CDC42SE2: variants seen among roughly 807,000 people sequenced by gnomAD.
The protein encoded by CDC42SE2 is CDC42 small effector protein 2.
Under a neutral mutation model 11.5 loss-of-function variants are expected in CDC42SE2, and 3 were observed. The observed-to-expected ratio is 0.26, with a 90% CI of 0.12 to 0.67. CDC42SE2 has a LOEUF of 0.67. Ranked by LOEUF, CDC42SE2 falls within the 30% of genes least tolerant of loss-of-function variation. The probability of loss-of-function intolerance (pLI) is 0.80; values close to 1 mark genes in which losing one functional copy is unlikely to be tolerated. For missense variants in CDC42SE2, 82 were observed against 106.8 expected, an observed-to-expected ratio of 0.77 and a Z score of 1.02; for synonymous variants, 33 against 34.8, an observed-to-expected ratio of 0.95 and a Z score of 0.18.
intron 3 of CDC42SE2, among the ~76,000 whole-genome samples, chr5:131,369,200 C>T (rs888319783): frequency 6.6e-5 from 10 of 152,080 alleles, no homozygotes; most frequent in Non-Finnish European, 1.2e-4. Context: ...TAATCTTTTG[C>T]GTTTTCTTCT....
chr5:131,372,723 A>C (rs959673470), intron 3 of CDC42SE2, among the ~76,000 whole-genome samples: 20 of 152,026 alleles, frequency 1.3e-4, no homozygotes, highest in Non-Finnish European at 2.6e-4. Flanking sequence ...AAAAAAAAAA[A>C]AAATGTCAGA....
intron 1 of CDC42SE2, among the ~76,000 whole-genome samples, chr5:131,295,784 G>A (rs1314941648): frequency 5.9e-5 from 9 of 151,608 alleles, no homozygotes; most frequent in Non-Finnish European, 1.2e-4. Flanking sequence ...CCGGGTTCAC[G>A]CCATTCTCCT....
chr5:131,373,357 G>A (rs1334613551), intron 3 of CDC42SE2, among the ~76,000 whole-genome samples: 1 of 152,198 alleles, frequency 6.6e-6, no homozygotes, highest in Non-Finnish European at 1.5e-5. Context: ...CTGCCTAACT[G>A]CGTACAGAGG....
chr5:131,293,698 T>C (rs1757511373), intron 1 of CDC42SE2, among the ~76,000 whole-genome samples: 1 of 152,176 alleles, frequency 6.6e-6, no homozygotes, highest in African/African-American at 2.4e-5. Context: ...ACCTAGTTTA[T>C]GGTATTTTGT....
chr5:131,226,900 C>T, the CDC42SE2 span, among the ~76,000 whole-genome samples: 1 of 152,194 alleles, frequency 6.6e-6, no homozygotes, highest in Non-Finnish European at 1.5e-5. Flanking sequence ...AATAAATGCT[C>T]TCACTGGTTT....
chr5:131,241,874 T>A (rs1331257952), upstream of CDC42SE2, among the ~76,000 whole-genome samples: 2 of 151,896 alleles, frequency 1.3e-5, no homozygotes, highest in African/African-American at 2.4e-5. Context: ...TTCCTCTTTC[T>A]TTAATCTCTG....
intron 2 of CDC42SE2, among the ~76,000 whole-genome samples, chr5:131,317,515 G>GT (rs1258419166): frequency 6.6e-6 from 1 of 151,912 alleles, no homozygotes; most frequent in Non-Finnish European, 1.5e-5. Context: ...AGGACTGTGT[G>GT]TTTTGGGGGA....
intron 1 of CDC42SE2, among the ~76,000 whole-genome samples, chr5:131,294,714 G>A (rs1040330272): frequency 2.6e-5 from 4 of 152,202 alleles, no homozygotes; most frequent in East Asian, 1.9e-4. Context: ...GTACATGGCC[G>A]GGCGTGGTGG....
At chr5:131,376,019 A>C (rs766980284) in intron 3 of CDC42SE2, among the ~76,000 whole-genome samples, 7 of 152,102 alleles carry the variant, frequency 4.6e-5, no homozygotes, top group Non-Finnish European at 1.0e-4. Context: ...TGGGTGGATT[A>C]GTTGAGGTCA....
At chr5:131,383,732 A>G (rs1025477927) in intron 3 of CDC42SE2, among the ~76,000 whole-genome samples, 2 of 152,216 alleles carry the variant, frequency 1.3e-5, no homozygotes, top group Non-Finnish European at 2.9e-5. Context: ...TTACCATAAC[A>G]CAGCTATACT....
intron 1 of CDC42SE2, among the ~76,000 whole-genome samples, chr5:131,302,802 C>T (rs1288317500): frequency 2.0e-5 from 3 of 149,960 alleles, no homozygotes; most frequent in Non-Finnish European, 4.4e-5. Context: ...AGGAGTAGTC[C>T]GTTTTTGTTG....
chr5:131,310,275 C>A (rs1020699409), intron 1 of CDC42SE2, among the ~76,000 whole-genome samples: 35 of 150,926 alleles, frequency 2.3e-4, no homozygotes, highest in Non-Finnish European at 3.2e-4. Flanking sequence ...GATTCTTAAT[C>A]CTGAGTTCTA....
chr5:131,320,116 G>T (rs970646185), intron 2 of CDC42SE2, among the ~76,000 whole-genome samples: 2 of 150,900 alleles, frequency 1.3e-5, no homozygotes, highest in African/African-American at 4.9e-5. Context: ...TGGGCGTGGT[G>T]GCTAACACCT....
At chr5:131,284,820 A>G (rs1381298468) in intron 1 of CDC42SE2, among the ~76,000 whole-genome samples, 2 of 152,190 alleles carry the variant, frequency 1.3e-5, no homozygotes, top group Non-Finnish European at 2.9e-5. Flanking sequence ...TACAATGATC[A>G]TATATTCCTT....
At chr5:131,226,078 G>T in the CDC42SE2 span, among the ~76,000 whole-genome samples, 1 of 152,160 alleles carries the variant, frequency 6.6e-6, no homozygotes, top group Non-Finnish European at 1.5e-5. Flanking sequence ...TTGGTCCTGG[G>T]GTAGCAAGGA....
rs897118530 is a variant in CDC42SE2 at position 131,267,255 on chromosome 5, G to T, written c.-455+3089G>T. Among the ~76,000 whole-genome samples, 3 of 151,752 alleles carry T rather than the reference G, an allele frequency of 2.0e-5. 1 individual carries two copies. The South Asian group carries it at 6.2e-4, about 32-fold the overall frequency. Reference sequence around the variant, plus strand: ...TTTTTAGTAGAGACAGGGTTTCACCGTGTTGGCCATCCATGATGGTCTCGG... The same window carrying T: ...TTTTTAGTAGAGACAGGGTTTCACCTTGTTGGCCATCCATGATGGTCTCGG... On this transcript the variant is annotated intron_variant, in intron 1 of 4. Transcript: ENST00000505065.
chr5:131,376,673 C>T (rs1448341862), intron 3 of CDC42SE2, among the ~76,000 whole-genome samples: 6 of 152,132 alleles, frequency 3.9e-5, no homozygotes, highest in Non-Finnish European at 5.9e-5. Context: ...CAGATGGGTC[C>T]TGGTATCTGT....
chr5:131,258,163 C>G (rs1181793016), intron 2 of CDC42SE2, among the ~76,000 whole-genome samples: 1 of 152,144 alleles, frequency 6.6e-6, no homozygotes, highest in East Asian at 1.9e-4. Context: ...ATGTCAGTTT[C>G]TGAACTTTTG....
At chr5:131,307,300 A>C (rs1253435508) in intron 1 of CDC42SE2, among the ~76,000 whole-genome samples, 1 of 142,136 alleles carries the variant, frequency 7.0e-6, no homozygotes, top group South Asian at 2.2e-4. Context: ...CCCACCTATG[A>C]GTGAGAATAT....
Sources: gnomAD v4.1 joint callset for allele counts (sites outside exome capture counted in the v4.1 genomes callset) on GRCh38, gnomAD v4.1.1 for gene constraint, MANE v1.5 for transcripts, NCBI Gene and HGNC (gene_info 2026-07-23, HGNC 2026-07-21) for gene names.